SLC23A2: variants seen among roughly 807,000 people sequenced by gnomAD.
SLC23A2 encodes solute carrier family 23 member 2.
A neutral mutation model predicts 73.3 loss-of-function variants in SLC23A2; 36 were observed. The observed-to-expected ratio is 0.49, with a 90% confidence interval of 0.38 to 0.65. The LOEUF (loss-of-function observed/expected upper bound fraction) is 0.65. Ranked by LOEUF, SLC23A2 falls within the 30% of genes least tolerant of loss-of-function variation. The pLI is 0.00. For missense variants in SLC23A2, 507 were observed against 841.6 expected (o/e 0.60, Z 4.92); for synonymous variants, 343 against 327.3 (o/e 1.05, Z -0.52).
intron 1 of SLC23A2, among the ~76,000 whole-genome samples, chr20:4,987,832 CA>C (rs1325643800): frequency 6.7e-6 from 1 of 149,130 alleles, no homozygotes; most frequent in Non-Finnish European, 1.5e-5. Context: ...GGCGACAGAG[CA>C]GGACTCCATC....
intron 15 of SLC23A2, among the ~76,000 whole-genome samples, chr20:4,860,679 G>A (rs142622219): frequency 1.1e-3 from 172 of 152,296 alleles, no homozygotes; most frequent in Admixed American, 3.7e-3. Context: ...CAACCCAAAT[G>A]TCCATCAATG....
chr20:4,884,747 T>C lies in SLC23A2; in HGVS notation c.642+6A>G. The C allele has an allele frequency of 6.2e-7, 1 of 1,606,408 alleles. No individual in the cohort carries two copies. The highest frequency in any genetic ancestry group is 8.5e-7 in the Non-Finnish European group (1 of 1,173,414). ...AAGCCAAAAGCAGACAACGCTTGTC[T>C]TTTACCTCTCGGATCCGGGGATACC... On this transcript the variant is annotated splice_donor_region_variant and intron_variant, in intron 8 of 16. Coordinates refer to ENST00000338244, the MANE Select transcript of SLC23A2 (RefSeq NM_005116.6).
intron 15 of SLC23A2, among the ~76,000 whole-genome samples, chr20:4,861,605 T>C (rs1929966629): frequency 6.6e-6 from 1 of 152,122 alleles, no homozygotes; most frequent in South Asian, 2.1e-4. Flanking sequence ...GTGTTCAAAG[T>C]CTATGAAGTT....
At chr20:4,984,584 T>C (rs2087792219) in intron 1 of SLC23A2, among the ~76,000 whole-genome samples, 1 of 150,450 alleles carries the variant, frequency 6.6e-6, no homozygotes, top group East Asian at 2.0e-4. Context: ...GTCTCAAATA[T>C]AAACAAAAAA....
chr20:4,938,567 TC>T (rs1448762939), intron 2 of SLC23A2, among the ~76,000 whole-genome samples: 3 of 152,238 alleles, frequency 2.0e-5, no homozygotes, highest in South Asian at 2.1e-4. Flanking sequence ...CCTCAGGTGA[TC>T]CGCCCACCTT....
intron 2 of SLC23A2, among the ~76,000 whole-genome samples, chr20:4,968,597 T>C (rs866945381): frequency 3.4e-4 from 52 of 151,762 alleles, no homozygotes; most frequent in African/African-American, 1.2e-3. Flanking sequence ...ACTAAGGGAG[T>C]GATTTCAAAG....
At chr20:4,913,102 C>T in intron 3 of SLC23A2, 124 bp from the exon 4 acceptor site, 1 of 690,514 alleles carries the variant, frequency 1.4e-6, no homozygotes, top group South Asian at 1.7e-5. Context: ...AAACATACTC[C>T]ATGTACCGTA....
intron 3 of SLC23A2, among the ~76,000 whole-genome samples, chr20:4,920,659 C>T (rs990366838): frequency 6.6e-6 from 1 of 152,174 alleles, no homozygotes; most frequent in South Asian, 2.1e-4. Context: ...CACAGGTATA[C>T]AGAACATCAT....
chr20:4,971,321 C>CACAT lies in SLC23A2; in HGVS notation c.-281-403_-281-402insATGT, dbSNP rs537674281. Among the ~76,000 whole-genome samples, 553 of 151,472 alleles carry CACAT rather than the reference C, an allele frequency of 3.7e-3. 4 individuals are homozygous for CACAT. Among genetic ancestry groups the CACAT allele is most frequent in the African/African-American group, 0.012 (514 of 41,216 alleles). On this transcript the variant is annotated intron_variant, in intron 1 of 16. Transcript: ENST00000338244. ...CAAAACACACACACACACACACACA[C>CACAT]ACACACACACACAAATTAGCCAAGT... is the stretch of plus-strand genomic sequence containing the variant.
chr20:4,904,361 G>A (rs1252673312), intron 4 of SLC23A2, among the ~76,000 whole-genome samples: 1 of 152,192 alleles, frequency 6.6e-6, no homozygotes, highest in Admixed American at 6.5e-5. Flanking sequence ...TCCACTGGGA[G>A]AGGATGGCTG....
At position 4,932,680 on chromosome 20, in the gene SLC23A2, A is replaced by G. The variant is rs1314495427; in HGVS notation, c.-118T>C. On this transcript the variant is annotated 5_prime_UTR_variant, in exon 3 of 17. Transcript: ENST00000338244. ...TAGTGCCTGGAGCCCCCGATTCTCA[A>G]GCAGAGATGAGGCCTGCAAACGGCA... The G allele has an allele frequency of 3.0e-6, 2 of 665,512 alleles. No homozygotes were observed. Among genetic ancestry groups the G allele is most frequent in the Non-Finnish European group, 5.4e-6 (2 of 367,690 alleles). The allele number at this position is 665,512 out of a possible 1,614,324, so 41.2% of individuals were successfully genotyped here.
At chr20:5,001,163 G>T (rs976346757) in intron 1 of SLC23A2, among the ~76,000 whole-genome samples, 47 of 151,532 alleles carry the variant, frequency 3.1e-4, no homozygotes, top group African/African-American at 1.1e-3. Context: ...CGGCCCGGCC[G>T]GCAGAACGGC....
At chr20:4,985,624 T>A (rs958617056) in intron 1 of SLC23A2, among the ~76,000 whole-genome samples, 5 of 152,088 alleles carry the variant, frequency 3.3e-5, no homozygotes, top group African/African-American at 1.2e-4. Context: ...ATTTTTGTAT[T>A]CTTAGTAGAC....
chr20:4,867,625 T>TAAAA (rs11476144), intron 13 of SLC23A2, 145 bp downstream of exon 13: 45 of 296,066 alleles, frequency 1.5e-4, no homozygotes, highest in South Asian at 2.4e-4. Context: ...TATAAACACT[T>TAAAA]AAAAAAAAAA....
intron 3 of SLC23A2, among the ~76,000 whole-genome samples, chr20:4,924,869 T>C (rs544388318): frequency 3.9e-5 from 6 of 152,326 alleles, no homozygotes; most frequent in Admixed American, 6.5e-5. Flanking sequence ...CTATTGTGGA[T>C]TGCCTGTCTC....
intron 9 of SLC23A2, 129 bp from the exon 10 acceptor site, chr20:4,874,825 G>C: frequency 1.5e-6 from 1 of 663,210 alleles, no homozygotes; most frequent in Non-Finnish European, 2.5e-6. Flanking sequence ...CTAGTCCTCT[G>C]AACTACCATT....
At chr20:4,966,833 C>CACACACACACAT (rs1555806636) in intron 2 of SLC23A2, among the ~76,000 whole-genome samples, 3 of 146,804 alleles carry the variant, frequency 2.0e-5, no homozygotes, top group African/African-American at 7.5e-5. Flanking sequence ...CACACACACA[C>CACACACACACAT]ACACACACAC....
chr20:4,873,884 C>T (rs534169455), intron 11 of SLC23A2, 52 bp downstream of exon 11: 11 of 1,546,558 alleles, frequency 7.1e-6, no homozygotes, highest in South Asian at 4.8e-5. Context: ...TCCCACCCCT[C>T]TCAGTTGGGC....
intron 1 of SLC23A2, among the ~76,000 whole-genome samples, chr20:5,007,031 A>G (rs1375021948): frequency 6.6e-6 from 1 of 152,076 alleles, no homozygotes; most frequent in East Asian, 1.9e-4. Context: ...GTAGCAAAAC[A>G]AAAACAAAAA....
Sources: allele counts gnomAD v4.1 joint callset (sites outside exome capture counted in the v4.1 genomes callset), GRCh38; gene constraint gnomAD v4.1.1; transcripts MANE v1.5; gene names NCBI Gene and HGNC (gene_info 2026-07-23, HGNC 2026-07-21).